The following RARS2 variants were observed in gnomAD, a reference collection of about 807,000 sequenced individuals.
RARS2 encodes arginyl-tRNA synthetase 2, mitochondrial.
In RARS2, 67 loss-of-function variants were observed where a neutral mutation model predicts 88.5. The ratio of observed to expected loss-of-function variants is 0.76; its 90% confidence interval spans 0.62 to 0.93. RARS2 has a LOEUF of 0.93. RARS2 is among the 40% of genes least tolerant of loss of function. RARS2 has a pLI of 0.00. For missense variants in RARS2, 664 were observed against 684.2 expected, an observed-to-expected ratio of 0.97 and a Z score of 0.33; for synonymous variants, 239 against 230.3, an observed-to-expected ratio of 1.04 and a Z score of -0.34.
intron 4 of RARS2, among the ~76,000 whole-genome samples, chr6:87,558,857 AATT>A (rs1786892891): frequency 6.6e-6 from 1 of 152,236 alleles, no homozygotes; most frequent in Admixed American, 6.5e-5. Flanking sequence ...TATTAAAAAC[AATT>A]AACTGTAAAA....
At chr6:87,577,874 C>CAAAAAA (rs1772068815) in intron 1 of RARS2, among the ~76,000 whole-genome samples, 2 of 152,188 alleles carry the variant, frequency 1.3e-5, no homozygotes, top group South Asian at 4.1e-4. Flanking sequence ...ATGTTTTTCA[C>CAAAAAA]AATTTCTTTT....
chr6:87,555,605 T>C, intron 4 of RARS2, 100 bp from the exon 5 acceptor site: 2 of 940,428 alleles, frequency 2.1e-6, no homozygotes, highest in Non-Finnish European at 1.7e-6. Flanking sequence ...CACTCTAATT[T>C]ATGGAACTGA....
chr6:87,562,506 C>A (rs1788150276), intron 4 of RARS2, among the ~76,000 whole-genome samples, 196 bp downstream of exon 4: 1 of 152,118 alleles, frequency 6.6e-6, no homozygotes, highest in South Asian at 2.1e-4. Context: ...GGTCAGAAAG[C>A]TACTGCCAAA....
intron 11 of RARS2, among the ~76,000 whole-genome samples, chr6:87,523,747 T>G (rs977389015): frequency 2.6e-5 from 4 of 152,210 alleles, no homozygotes; most frequent in Admixed American, 1.3e-4. Context: ...GCCTCTGTTC[T>G]CAATGGATAC....
At chr6:87,539,615 C>T (rs1253968194) in intron 8 of RARS2, among the ~76,000 whole-genome samples, 2 of 152,126 alleles carry the variant, frequency 1.3e-5, no homozygotes, top group Admixed American at 1.3e-4. Flanking sequence ...GCTAGCCAAT[C>T]GGGACAAATA....
chr6:87,532,383 C>T (rs572794404), intron 8 of RARS2, among the ~76,000 whole-genome samples: 2 of 152,256 alleles, frequency 1.3e-5, no homozygotes, highest in East Asian at 3.9e-4. Flanking sequence ...ACTGTGGATG[C>T]AAACAGTACA....
chr6:87,518,510 T>A, intron 16 of RARS2, 120 bp downstream of exon 16: 1 of 1,291,484 alleles, frequency 7.7e-7, no homozygotes, highest in Non-Finnish European at 1.1e-6. Context: ...TCTACTCTAG[T>A]CAGATGTGAA....
intron 1 of RARS2, 52 bp downstream of exon 1, chr6:87,589,870 T>C: frequency 1.9e-6 from 3 of 1,614,122 alleles, no homozygotes; most frequent in South Asian, 1.1e-5. Context: ...GTGAAAGGCC[T>C]TTGGGGTCCC....
chr6:87,542,027 A>C, intron 7 of RARS2, 33 bp from the exon 8 acceptor site: 1 of 1,538,794 alleles, frequency 6.5e-7, no homozygotes, highest in South Asian at 1.1e-5. Context: ...AAAAATTATA[A>C]AGTTGAACAA....
Position 87,589,697 on chromosome 6 carries a change from G to A in RARS2, c.36+225C>T, listed in dbSNP as rs1157939959. The A allele has an allele frequency of 7.1e-6, 7 of 985,184 alleles. No homozygotes were observed. The Admixed American group carries it at 1.8e-4, about 26-fold the overall frequency. 61.0% of individuals were successfully genotyped at this position (985,184 alleles called of 1,614,324 possible). On this transcript the variant is annotated intron_variant, in intron 1 of 19. Transcript: ENST00000369536. ...TGGGAAGGAGAGAAGAAAGCACCAG[G>A]TACCTTTCAAAGTTTACTTTTCACC...
At chr6:87,524,927 T>G (rs868308723) in intron 10 of RARS2, among the ~76,000 whole-genome samples, 23 of 152,296 alleles carry the variant, frequency 1.5e-4, no homozygotes, top group Middle Eastern at 3.4e-3. Context: ...ATATACCCAG[T>G]TGAAAAATGA....
chr6:87,570,770 C>T (rs1384646974), intron 1 of RARS2, among the ~76,000 whole-genome samples: 2 of 152,046 alleles, frequency 1.3e-5, no homozygotes, highest in Non-Finnish European at 2.9e-5. Flanking sequence ...CCAAGCTGGC[C>T]TCTAACTTCT....
chr6:87,527,460 TA>T (rs762297288), intron 10 of RARS2, among the ~76,000 whole-genome samples: 2 of 152,110 alleles, frequency 1.3e-5, no homozygotes, highest in Non-Finnish European at 2.9e-5. Context: ...ACCTGAGCTG[TA>T]AAACTATTAG....
Position 87,587,444 on chromosome 6 carries a change from A to G in RARS2, c.36+2478T>C, listed in dbSNP as rs374681910. On this transcript the variant is annotated intron_variant, in intron 1 of 19. Transcript: ENST00000369536. The stretch of plus-strand genomic sequence containing the variant: ...CATTCCCCAATGACTCTATATTCAG[A>G]GAAATACATATATATCTGCATAATT... Among the ~76,000 whole-genome samples the G allele has an allele frequency of 3.3e-5, 5 of 152,334 alleles. No homozygotes were observed. In the South Asian group the frequency reaches 6.2e-4, roughly 19 times the overall value.
rs766615863 is a variant in RARS2 at position 87,530,816 on chromosome 6, A to G, written c.739T>C (p.Leu247=). 1 of 1,614,214 alleles carries G rather than the reference A, an allele frequency of 6.2e-7. No homozygotes were observed. Among genetic ancestry groups the G allele is most frequent in the Admixed American group, 1.7e-5 (1 of 60,032 alleles). The change falls in exon 9 of 20, where the codon TTG becomes CTG. Residue 247 remains leucine, a synonymous_variant. Coordinates refer to ENST00000369536, the MANE Select transcript of RARS2 (RefSeq NM_020320.5). The part of the protein sequence containing the change: ...ALSLWQKFRD[L]SIEEYIRVYK... ...ACCCGAATGTACTCTTCAATGCTCA[A>G]GTCCCGAAATTTTTGCCACAGTGAA...
chr6:87,575,596 C>T (rs777950565), intron 1 of RARS2, among the ~76,000 whole-genome samples: 9 of 152,084 alleles, frequency 5.9e-5, no homozygotes, highest in Non-Finnish European at 1.2e-4. Flanking sequence ...ACACACAAAA[C>T]TGTTTACACC....
intron 4 of RARS2, 111 bp downstream of exon 4, chr6:87,562,591 A>G: frequency 1.3e-6 from 1 of 782,274 alleles, no homozygotes; most frequent in Non-Finnish European, 2.3e-6. Context: ...CAGTATGTGC[A>G]AAGGTTTTGA....
At chr6:87,530,663 T>TTA in intron 9 of RARS2, 121 bp downstream of exon 9, 1 of 1,357,768 alleles carries the variant, frequency 7.4e-7, no homozygotes, top group South Asian at 1.2e-5. Context: ...TGAGTCTTAA[T>TTA]TTTAAATTCA....
In RARS2 at chr6:87,520,198, C is replaced by A; in HGVS notation, c.1094G>T (p.Gly365Val). 6.2e-7 allele frequency: 1 copy of A among 1,613,416 alleles called. No individual in the cohort carries two copies. Among genetic ancestry groups the A allele is most frequent in the South Asian group, 1.1e-5 (1 of 91,036 alleles). Residue 365 changes from glycine (G) to valine (V), a missense_variant, in exon 13 of 20, where the codon GGA (glycine) becomes GTA (valine). Coordinates refer to ENST00000369536, the MANE Select transcript of RARS2 (RefSeq NM_020320.5). ...ACATTACCTTTCTGCCCAGTCATAT[C>A]CCATGATCTTCAGCATTTGGAATAC... ...QQVFQMLKIM[G>V]YDWAERCQHV... is the part of the protein sequence containing the mutation.
Sources: gnomAD v4.1 joint callset for allele counts (sites outside exome capture counted in the v4.1 genomes callset) on GRCh38, gnomAD v4.1.1 for gene constraint, MANE v1.5 for transcripts, NCBI Gene and HGNC (gene_info 2026-07-23, HGNC 2026-07-21) for gene names.